The following TMEM225B variants were observed in gnomAD, a reference collection of about 807,000 sequenced individuals.
TMEM225B encodes the protein transmembrane protein 225B.
TMEM225B carries 10 observed loss-of-function variants against 16.9 expected under a neutral mutation model. That is an observed-to-expected ratio of 0.59 (90% CI 0.36 to 1.00). The LOEUF is 1.00. Ranked by LOEUF, TMEM225B falls within the 50% of genes least tolerant of loss-of-function variation. The pLI is 0.01. For missense variants in TMEM225B, 217 were observed against 267.0 expected, an observed-to-expected ratio of 0.81 and a Z score of 1.30; for synonymous variants, 92 against 109.8, an observed-to-expected ratio of 0.84 and a Z score of 1.01.
chr7:99,605,674 C>T (rs1237910497), intron 3 of TMEM225B: 3 of 152,298 alleles, frequency 2.0e-5, no homozygotes, highest in Non-Finnish European at 4.4e-5. Context: ...ACTGCAGCCT[C>T]CATCTCCTCA....
chr7:99,600,505 T>A (rs1370542421), intron 2 of TMEM225B, among the ~76,000 whole-genome samples: 1 of 152,168 alleles, frequency 6.6e-6, no homozygotes, highest in Non-Finnish European at 1.5e-5. Flanking sequence ...ATAGGTTTAA[T>A]TGACTCGCAC....
chr7:99,605,234 C>G (rs1259230927), intron 3 of TMEM225B, among the ~76,000 whole-genome samples: 2 of 152,084 alleles, frequency 1.3e-5, no homozygotes, highest in Non-Finnish European at 2.9e-5. Context: ...CAGACTCTGG[C>G]TCTGCTAATT....
chr7:99,610,514 A>G lies in TMEM225B; in HGVS notation c.615A>G (p.Glu205=). Reference sequence around the variant, plus strand: ...ACAATCTGGAGAGTTTGGGAGGAGAACCGAGCTCAGTACAAAAGGAGACAC... The same window carrying G: ...ACAATCTGGAGAGTTTGGGAGGAGAGCCGAGCTCAGTACAAAAGGAGACAC... ...YLDNLESLGG[E]PSSVQKETQV... Residue 205 remains glutamate, a synonymous_variant, in exon 6 of 6, where the codon GAA becomes GAG. Coordinates refer to ENST00000431679, the MANE Select transcript of TMEM225B (RefSeq NM_001195541.3). 3.9e-6 allele frequency: 6 copies of G among 1,536,094 alleles called. No homozygotes were observed. Among genetic ancestry groups the G allele is most frequent in the Non-Finnish European group, 5.2e-6 (6 of 1,146,890 alleles).
chr7:99,608,493 T>C (rs997693852), intron 5 of TMEM225B, among the ~76,000 whole-genome samples: 13 of 151,816 alleles, frequency 8.6e-5, no homozygotes, highest in African/African-American at 2.9e-4. Flanking sequence ...TTCAAATTTT[T>C]ATAGTCTCCC....
chr7:99,599,657 C>A (rs1805176742), intron 1 of TMEM225B, among the ~76,000 whole-genome samples: 1 of 152,206 alleles, frequency 6.6e-6, no homozygotes, highest in South Asian at 2.1e-4. Context: ...GTCGTATATT[C>A]CCCCATTCTC....
At chr7:99,607,626 C>T (rs1210281465) in intron 4 of TMEM225B, 47 bp from the exon 5 acceptor site, 16 of 1,500,330 alleles carry the variant, frequency 1.1e-5, no homozygotes, top group East Asian at 5.0e-5. Context: ...GGAGGGAAGG[C>T]GGGTAGCATG....
rs1301364803 is a variant in TMEM225B, at chr7:99,610,921, G to A, written c.*356G>A. On this transcript the variant is annotated 3_prime_UTR_variant, in exon 6 of 6. Transcript: ENST00000431679. ...AATGGGATTTTGTGAAACAGAAACC[G>A]TACAGAATACAGAATATACTCGGGG... 6 of 204,462 alleles carry A rather than the reference G, an allele frequency of 2.9e-5. No individual in the cohort carries two copies. Among genetic ancestry groups the A allele is most frequent in the East Asian group, 1.1e-4 (1 of 9,360 alleles). 12.7% of individuals were successfully genotyped at this position (204,462 alleles called of 1,614,324 possible).
At chr7:99,609,098 T>C (rs1435326181) in intron 5 of TMEM225B, among the ~76,000 whole-genome samples, 1 of 151,554 alleles carries the variant, frequency 6.6e-6, no homozygotes, top group Non-Finnish European at 1.5e-5. Flanking sequence ...ACCCAGGAGG[T>C]GGAGGTTGCG....
chr7:99,601,443 A>T (rs1039231860), intron 2 of TMEM225B, among the ~76,000 whole-genome samples: 3 of 152,238 alleles, frequency 2.0e-5, no homozygotes, highest in African/African-American at 7.2e-5. Flanking sequence ...AAATTAAAAA[A>T]TTAGCTGGGC....
intron 5 of TMEM225B, among the ~76,000 whole-genome samples, chr7:99,608,732 TATACACACACACACAC>T (rs1413628892): frequency 1.6e-5 from 2 of 125,806 alleles, no homozygotes; most frequent in African/African-American, 7.7e-5. Flanking sequence ...TATATATATA[TATACACACACACACAC>T]ACACACACAC....
chr7:99,604,352 G>T, intron 2 of TMEM225B, 34 bp from the exon 3 acceptor site: 1 of 1,484,812 alleles, frequency 6.7e-7, no homozygotes, highest in Non-Finnish European at 9.1e-7. Context: ...TTGGGTCGGT[G>T]TCCCACCTCC....
chr7:99,607,762 T>G lies in TMEM225B; in HGVS notation c.445T>G (p.Trp149Gly). The part of the protein sequence containing the change: ...KLGPLQFSVL[W>G]PYYVLGFGIF... Reference sequence around the variant, plus strand: ...CGGCCCCCTGCAGTTCTCCGTGCTGTGGCCTTACTACGTGCTGGGCTTCGG... The same window carrying G: ...CGGCCCCCTGCAGTTCTCCGTGCTGGGGCCTTACTACGTGCTGGGCTTCGG... The change falls in exon 5 of 6, where the codon TGG (tryptophan) becomes GGG (glycine). Residue 149 changes from tryptophan (W) to glycine (G), a missense_variant. Physicochemically the swap from Trp to Gly is radical, Grantham distance 184. Transcript: ENST00000431679. 6.5e-7 allele frequency: 1 copy of G among 1,536,136 alleles called. No individual in the cohort carries two copies. The highest frequency in any genetic ancestry group is 8.7e-7 in the Non-Finnish European group (1 of 1,146,908).
Position 99,610,486 on chromosome 7 carries a change from T to G in TMEM225B, c.587T>G (p.Leu196Arg), listed in dbSNP as rs748445002. 1 of 1,536,128 alleles carries G rather than the reference T, an allele frequency of 6.5e-7. No individual in the cohort carries two copies. The highest frequency in any genetic ancestry group is 1.2e-5 in the South Asian group (1 of 84,060). ...SMEEDHGSLYLDNLESLGGEP... is the reference protein window; with the variant it reads ...SMEEDHGSLYRDNLESLGGEP... ...GAGGAGGACCACGGGAGCCTGTACC[T>G]GGACAATCTGGAGAGTTTGGGAGGA... The change falls in exon 6 of 6, where the codon CTG (leucine) becomes CGG (arginine). Residue 196 changes from leucine to arginine, a missense_variant. Physicochemically the swap from Leu to Arg is moderately radical, Grantham distance 102. Coordinates refer to ENST00000431679, the MANE Select transcript of TMEM225B (RefSeq NM_001195541.3).
intron 1 of TMEM225B, 114 bp from the exon 2 acceptor site, chr7:99,600,091 G>GA: frequency 1.5e-6 from 1 of 656,710 alleles, no homozygotes; most frequent in Non-Finnish European, 2.8e-6. Flanking sequence ...GGGGCAGTGG[G>GA]AATGGGACAG....
At chr7:99,599,780 T>G (rs956300661) in intron 1 of TMEM225B, among the ~76,000 whole-genome samples, 3 of 152,192 alleles carry the variant, frequency 2.0e-5, no homozygotes, top group Admixed American at 6.5e-5. Flanking sequence ...CTGGTGAGAC[T>G]GTCCTGGCAG....
intron 1 of TMEM225B, 73 bp from the exon 2 acceptor site, chr7:99,600,132 C>T: frequency 1.4e-6 from 1 of 696,310 alleles, no homozygotes; most frequent in Non-Finnish European, 2.6e-6. Flanking sequence ...GTATACCTGG[C>T]CCCAAAGTAA....
At chr7:99,605,191 T>C (rs1371617056) in intron 3 of TMEM225B, among the ~76,000 whole-genome samples, 1 of 152,212 alleles carries the variant, frequency 6.6e-6, no homozygotes, top group African/African-American at 2.4e-5. Flanking sequence ...GTCTGCATCA[T>C]GCCAGCAGTC....
At chr7:99,608,730 TATATACACACAC>T (rs1255546673) in intron 5 of TMEM225B, among the ~76,000 whole-genome samples, 10 of 123,470 alleles carry the variant, frequency 8.1e-5, no homozygotes, top group African/African-American at 4.3e-4. Flanking sequence ...TATATATATA[TATATACACACAC>T]ACACACACAC....
At chr7:99,608,864 C>G (rs1350835469) in intron 5 of TMEM225B, among the ~76,000 whole-genome samples, 1 of 124,836 alleles carries the variant, frequency 8.0e-6, no homozygotes, top group Non-Finnish European at 1.6e-5. Flanking sequence ...TATATACACA[C>G]ACACATATAT....
Sources: allele counts gnomAD v4.1 joint callset (sites outside exome capture counted in the v4.1 genomes callset), GRCh38; gene constraint gnomAD v4.1.1; transcripts MANE v1.5; gene names NCBI Gene and HGNC (gene_info 2026-07-23, HGNC 2026-07-21).